Variants in LRBA observed in about 807,000 individuals in gnomAD.
LRBA encodes the protein lipopolysaccharide-responsive and beige-like anchor protein.
In LRBA, 176 loss-of-function variants were observed where a neutral mutation model predicts 330.0. That is an observed-to-expected ratio of 0.53 (90% CI 0.47 to 0.60). LRBA has a LOEUF of 0.60. Among genes scored for constraint, LRBA ranks in the 20% least tolerant of loss-of-function variants. The probability of loss-of-function intolerance (pLI) is 0.00; values close to 1 mark genes in which losing one functional copy is unlikely to be tolerated. For missense variants in LRBA, 3,259 were observed against 3,444.8 expected (o/e 0.95, Z 1.35); for synonymous variants, 1,230 against 1,193.0 (o/e 1.03, Z -0.64).
chr4:150,923,314 C>T lies in LRBA; in HGVS notation c.550-2021G>A, dbSNP rs528322247. Among the ~76,000 whole-genome samples the T allele has an allele frequency of 1.2e-3, 180 of 152,196 alleles. 1 individual carries two copies. The highest frequency in any genetic ancestry group is 2.1e-3 in the Admixed American group (32 of 15,288). On this transcript the variant is annotated intron_variant, in intron 4 of 56. Transcript: ENST00000651943. ...CTTACTCTCCCCTTCTCCCTGCACTCCATCCTTTTTTCAGTCTTCTTCCCA... is the reference window on the plus strand; with the variant it reads ...CTTACTCTCCCCTTCTCCCTGCACTTCATCCTTTTTTCAGTCTTCTTCCCA...
intron 2 of LRBA, among the ~76,000 whole-genome samples, chr4:150,996,498 G>C (rs1020438833): frequency 1.5e-4 from 23 of 152,126 alleles, no homozygotes; most frequent in African/African-American, 5.5e-4. Flanking sequence ...ATTTTTTCCT[G>C]ATTAGCAAAA....
chr4:150,852,759 T>C lies in LRBA; in HGVS notation c.2951A>G (p.His984Arg), dbSNP rs1750762605. The change falls in exon 23 of 57, where the codon CAT becomes CGT. Residue 984 changes from histidine to arginine, a missense_variant. Coordinates refer to ENST00000651943, the MANE Select transcript of LRBA (RefSeq NM_001364905.1). ...ATTTTCATTACCATTTGTGGTGAAATGAGGACAGACAGGAGAATCCTTCGT... is the reference window on the plus strand; with the variant it reads ...ATTTTCATTACCATTTGTGGTGAAACGAGGACAGACAGGAGAATCCTTCGT... ...PDTKDSPVCP[H>R]FTTNGNENSS... The C allele has an allele frequency of 2.5e-6, 4 of 1,614,024 alleles. No homozygotes were observed. Among genetic ancestry groups the C allele is most frequent in the Non-Finnish European group, 3.4e-6 (4 of 1,179,924 alleles).
At chr4:150,894,874 G>A (rs1729892272) in intron 16 of LRBA, among the ~76,000 whole-genome samples, 8 of 151,792 alleles carry the variant, frequency 5.3e-5, no homozygotes, top group Admixed American at 5.3e-4. Context: ...TATTATATTT[G>A]GTCAGAAAAA....
intron 2 of LRBA, among the ~76,000 whole-genome samples, chr4:150,938,100 G>T (rs1325617619): frequency 6.6e-6 from 1 of 151,062 alleles, no homozygotes; most frequent in Admixed American, 6.6e-5. Context: ...AAAAGGACAG[G>T]GTGTAATCAC....
chr4:150,299,495 C>G (rs1729377061), intron 53 of LRBA, among the ~76,000 whole-genome samples: 1 of 151,906 alleles, frequency 6.6e-6, no homozygotes. Context: ...TGATCTTAGC[C>G]AAAAGGCTGA....
At position 150,959,115 on chromosome 4, in the gene LRBA, G is replaced by A. The variant is rs541824443; in HGVS notation, c.217-30050C>T. 6.0e-5 allele frequency among the ~76,000 whole-genome samples: 9 copies of A among 149,414 alleles called. 1 individual carries two copies. The highest frequency in any genetic ancestry group is 1.0e-4 in the Non-Finnish European group (7 of 68,044). On this transcript the variant is annotated intron_variant, in intron 2 of 56. Transcript: ENST00000651943. The stretch of plus-strand genomic sequence containing the variant: ...GAGACTGGGTAATTTACAAAGGCAA[G>A]AGGATTAACGGACTCACAGTTCTAC...
At chr4:150,300,190 C>T (rs1312369483) in intron 53 of LRBA, among the ~76,000 whole-genome samples, 1 of 151,922 alleles carries the variant, frequency 6.6e-6, no homozygotes. Context: ...TGTCTTTCTC[C>T]TGGATTCATC....
chr4:150,518,012 G>C (rs1288988052), intron 40 of LRBA, among the ~76,000 whole-genome samples: 1 of 152,168 alleles, frequency 6.6e-6, no homozygotes, highest in African/African-American at 2.4e-5. Flanking sequence ...CAATTTTATA[G>C]ATAAAGATGC....
At chr4:150,639,813 GTGTGTGTATATATATATATATATA>G (rs1561457919) in intron 37 of LRBA, among the ~76,000 whole-genome samples, 672 of 7,252 alleles carry the variant, frequency 0.093, 81 homozygotes, top group Middle Eastern at 0.25. Context: ...ATATGTGTGT[GTGTGTGTATATATATATATATATA>G]TATATATATA....
At chr4:150,431,296 T>C (rs557081978) in intron 46 of LRBA, among the ~76,000 whole-genome samples, 1 of 152,354 alleles carries the variant, frequency 6.6e-6, no homozygotes, top group East Asian at 1.9e-4. Flanking sequence ...AGATTACAGA[T>C]TGTTGCTACT....
chr4:150,664,417 T>TC (rs746353096), intron 37 of LRBA, among the ~76,000 whole-genome samples: 53 of 152,326 alleles, frequency 3.5e-4, no homozygotes, highest in Admixed American at 9.2e-4. Flanking sequence ...CATTACCTAA[T>TC]ACAAGTGTAT....
intron 37 of LRBA, among the ~76,000 whole-genome samples, chr4:150,651,053 T>C (rs1187353118): frequency 6.6e-6 from 1 of 152,204 alleles, no homozygotes; most frequent in Non-Finnish European, 1.5e-5. Context: ...CAAACCTTAT[T>C]ACTTGCAATT....
intron 2 of LRBA, among the ~76,000 whole-genome samples, chr4:150,986,835 G>C (rs1741514253): frequency 6.6e-6 from 1 of 152,220 alleles, no homozygotes. Flanking sequence ...AAGGGGCAAG[G>C]AAGTGAGGGG....
At chr4:150,447,323 C>T (rs1032391885) in intron 44 of LRBA, among the ~76,000 whole-genome samples, 1 of 152,132 alleles carries the variant, frequency 6.6e-6, no homozygotes, top group African/African-American at 2.4e-5. Flanking sequence ...CTGGTGGACA[C>T]AGTATATAGA....
chr4:150,266,967 G>C (rs1421491175), intron 56 of LRBA, among the ~76,000 whole-genome samples: 1 of 152,020 alleles, frequency 6.6e-6, no homozygotes, highest in Non-Finnish European at 1.5e-5. Flanking sequence ...AGAGACAAAG[G>C]ACACTACACT....
In LRBA at chr4:150,282,539, A is replaced by G; in HGVS notation, c.8227T>C (p.Cys2743Arg). The G allele has an allele frequency of 6.2e-7, 1 of 1,614,112 alleles. No individual in the cohort carries two copies. The highest frequency in any genetic ancestry group is 8.5e-7 in the Non-Finnish European group (1 of 1,179,974). ...KLIQASREGH[C>R]VIFYENGLFC... ...AGGCCGTTTTCATAGAATATGACAC[A>G]ATGACCCTCTCTTGAAGCCTGAATG... The change falls in exon 55 of 57, where the codon TGT becomes CGT. Residue 2743 changes from cysteine to arginine, a missense_variant. By Grantham distance (180) the Cys-to-Arg change is radical. Coordinates refer to ENST00000651943, the MANE Select transcript of LRBA (RefSeq NM_001364905.1).
rs769403201 is a variant in LRBA, at chr4:150,647,352, C to CTTTTTT, written c.5921+36193_5921+36198dup. Among the ~76,000 whole-genome samples the CTTTTTT allele has an allele frequency of 2.3e-3, 180 of 79,816 alleles. 10 individuals carry two copies. The highest frequency in any genetic ancestry group is 4.4e-3 in the African/African-American group (87 of 19,978). 52.4% of individuals were successfully genotyped at this position (79,816 alleles called of 152,430 possible). On this transcript the variant is annotated intron_variant, in intron 37 of 56. Transcript: ENST00000651943. ...GTAAAAAGTAAAATGATTACTTTTT[C>CTTTTTT]TTTTTTTTTTTTTTTTTTTTTTTGA...
intron 37 of LRBA, among the ~76,000 whole-genome samples, chr4:150,658,948 A>G (rs1780645732): frequency 1.5e-5 from 1 of 64,868 alleles, no homozygotes; most frequent in African/African-American, 3.6e-5. Flanking sequence ...CCAGCCCCTA[A>G]CCGCGAGTGA....
At chr4:150,373,124 CGTGTGTGTGTGTGT>C (rs70937397) in intron 47 of LRBA, among the ~76,000 whole-genome samples, 1,505 of 96,352 alleles carry the variant, frequency 0.016, 118 homozygotes, top group Admixed American at 0.14. Flanking sequence ...ACTACAATCT[CGTGTGTGTGTGTGT>C]GTGTGTGTGT....
Sources: gnomAD v4.1 joint callset for allele counts (sites outside exome capture counted in the v4.1 genomes callset) on GRCh38, gnomAD v4.1.1 for gene constraint, MANE v1.5 for transcripts, NCBI Gene and HGNC (gene_info 2026-07-23, HGNC 2026-07-21) for gene names.